Variants in ADGRB2 observed in about 807,000 individuals in gnomAD.
The protein encoded by ADGRB2 is adhesion G protein-coupled receptor B2.
In ADGRB2, 47 loss-of-function variants were observed where a neutral mutation model predicts 178.7. The observed-to-expected ratio is 0.26, with a 90% confidence interval of 0.21 to 0.34. The LOEUF is 0.34. Ranked by LOEUF, ADGRB2 falls within the 10% of genes least tolerant of loss-of-function variation. The pLI, the probability that ADGRB2 is intolerant of heterozygous loss-of-function variation, is 1.00. For missense variants in ADGRB2, 1,584 were observed against 2,180.8 expected (o/e 0.73, Z 5.45); for synonymous variants, 870 against 912.4 (o/e 0.95, Z 0.84).
chr1:31,751,312 T>C (rs773317258), intron 4 of ADGRB2, among the ~76,000 whole-genome samples: 2 of 152,256 alleles, frequency 1.3e-5, no homozygotes, highest in Non-Finnish European at 2.9e-5. Flanking sequence ...CACTGGATCC[T>C]GGACTGAGGA....
In ADGRB2 at chr1:31,733,110, G is replaced by C; in HGVS notation, c.3486C>G (p.Pro1162=). The part of the protein sequence containing the change: ...ASLWSSCVVL[P]LLALTWMSAV... ...CAGACATCCAGGTGAGCGCCAGCAG[G>C]GGCAGCACCACGCAGGAGCTCCAGA... The change falls in exon 26 of 33, where the codon CCC becomes CCG. Residue 1162 remains proline, a synonymous_variant. Transcript: ENST00000373658. The surrounding 1 kb of genome is among the most constrained non-coding windows in gnomAD (Gnocchi z 4.3). 1 of 1,587,456 alleles carries C rather than the reference G, an allele frequency of 6.3e-7. No individual in the cohort carries two copies. Among genetic ancestry groups the C allele is most frequent in the Non-Finnish European group, 8.6e-7 (1 of 1,166,826 alleles).
chr1:31,732,325 C>CT (rs1645331205), intron 27 of ADGRB2, among the ~76,000 whole-genome samples, 171 bp from the exon 28 acceptor site: 1 of 152,276 alleles, frequency 6.6e-6, no homozygotes, highest in South Asian at 2.1e-4. Flanking sequence ...CCCAGCCCAC[C>CT]TGATGGCTAG....
In ADGRB2 at chr1:31,756,038, C is replaced by G; in HGVS notation, c.799G>C (p.Gly267Arg). 6.2e-7 allele frequency: 1 copy of G among 1,613,910 alleles called. No homozygotes were observed. The highest frequency in any genetic ancestry group is 8.5e-7 in the Non-Finnish European group (1 of 1,179,930). Residue 267 changes from glycine (G) to arginine (R), a missense_variant, in exon 4 of 33, where the codon GGG becomes CGG. Around this residue, in one of 3 missense-constraint regions of ADGRB2, gnomAD observed 657 missense variants for 847.6 expected, o/e 0.78. Coordinates refer to ENST00000373658, the MANE Select transcript of ADGRB2 (RefSeq NM_001364857.2). This position sits in a 1 kb window ranked among gnomAD's most constrained non-coding sequence, Gnocchi z 8.5. ...GTTGTGAACAGATCATTGCTGCTCC[C>G]CGAGTGCAAATCGGCCTCAGCAGGT... The part of the protein sequence containing the change: ...APPAEADLHS[G>R]SSNDLFTTEM...
chr1:31,753,014 G>A lies in ADGRB2; in HGVS notation c.838+2985C>T, dbSNP rs920711698. Among the ~76,000 whole-genome samples, 5 of 152,322 alleles carry A rather than the reference G, an allele frequency of 3.3e-5. No individual in the cohort carries two copies. Among genetic ancestry groups the A allele is most frequent in the South Asian group, 2.1e-4 (1 of 4,824 alleles). Reference sequence around the variant, plus strand: ...AGGGATTGTGGCCAAGGAGAGAGGCGTGCATGAGGCGGGGTTCTTTCTCCC... The same window carrying A: ...AGGGATTGTGGCCAAGGAGAGAGGCATGCATGAGGCGGGGTTCTTTCTCCC... On this transcript the variant is annotated intron_variant, in intron 4 of 32. Transcript: ENST00000373658. The surrounding 1 kb of genome is among the most constrained non-coding windows in gnomAD (Gnocchi z 4.1).
intron 18 of ADGRB2, 152 bp from the exon 19 acceptor site, chr1:31,737,907 G>A (rs1375003842): frequency 1.3e-5 from 10 of 792,698 alleles, no homozygotes; most frequent in South Asian, 3.5e-5. Flanking sequence ...GAACAGACCC[G>A]GGTATCTATG....
chr1:31,745,616 A>G (rs1646233545), intron 4 of ADGRB2, among the ~76,000 whole-genome samples: 2 of 152,326 alleles, frequency 1.3e-5, no homozygotes, highest in South Asian at 4.1e-4. Flanking sequence ...CAGAAGGGAA[A>G]GGCCCAGCAG....
rs1193840737 is a variant in ADGRB2, at chr1:31,740,245, GC to G, written c.1990-68del. On this transcript the variant is annotated intron_variant, in intron 12 of 32. Coordinates refer to ENST00000373658, the MANE Select transcript of ADGRB2 (RefSeq NM_001364857.2). The surrounding 1 kb of genome is among the most constrained non-coding windows in gnomAD (Gnocchi z 5.9). ...GGAACAGGGGGCTTCCCCCACTATA[GC>G]CACACTTGCCGCCTCTACAGCAGAC... 1.2e-5 allele frequency: 20 copies of G among 1,608,708 alleles called. No individual in the cohort carries two copies. The highest frequency in any genetic ancestry group is 1.6e-5 in the Non-Finnish European group (19 of 1,176,974).
At position 31,754,847 on chromosome 1, in the gene ADGRB2, G is replaced by A. The variant is rs1646755333; in HGVS notation, c.838+1152C>T. Among the ~76,000 whole-genome samples, 1 of 152,238 alleles carries A rather than the reference G, an allele frequency of 6.6e-6. No homozygotes were observed. Among genetic ancestry groups the A allele is most frequent in the Non-Finnish European group, 1.5e-5 (1 of 68,040 alleles). ...CAACTCAAGGTAACAGTCAAAGGTAGAGGCCAACTCCAGGGCTCTAGCCAG... is the reference window on the plus strand; with the variant it reads ...CAACTCAAGGTAACAGTCAAAGGTAAAGGCCAACTCCAGGGCTCTAGCCAG... On this transcript the variant is annotated intron_variant, in intron 4 of 32. Coordinates refer to ENST00000373658, the MANE Select transcript of ADGRB2 (RefSeq NM_001364857.2). The surrounding 1 kb of genome is among the most constrained non-coding windows in gnomAD (Gnocchi z 5.7).
rs1163309822 is a variant in ADGRB2 at position 31,755,193 on chromosome 1, G to T, written c.838+806C>A. Among the ~76,000 whole-genome samples the T allele has an allele frequency of 6.6e-6, 1 of 152,188 alleles. No individual in the cohort carries two copies. Among genetic ancestry groups the T allele is most frequent in the Non-Finnish European group, 1.5e-5 (1 of 68,034 alleles). On this transcript the variant is annotated intron_variant, in intron 4 of 32. Transcript: ENST00000373658. The surrounding 1 kb of genome is among the most constrained non-coding windows in gnomAD (Gnocchi z 5.1). ...GTCCCCGGCCCAGCACTGTTCAGCGGGCACACAGGATCCAGCTGAGGCCCT... is the reference window on the plus strand; with the variant it reads ...GTCCCCGGCCCAGCACTGTTCAGCGTGCACACAGGATCCAGCTGAGGCCCT...
At position 31,740,886 on chromosome 1, in the gene ADGRB2, G is replaced by GGC. The variant is rs199971730; in HGVS notation, c.1795-347_1795-346dup. On this transcript the variant is annotated intron_variant, in intron 11 of 32. Coordinates refer to ENST00000373658, the MANE Select transcript of ADGRB2 (RefSeq NM_001364857.2). The surrounding 1 kb of genome is among the most constrained non-coding windows in gnomAD (Gnocchi z 5.9). ...CTGGAGTGTAATGAGCATGTGTGTG[G>GGC]GCGCGCGCGCACACACACACACACA... Among the ~76,000 whole-genome samples the GGC allele has an allele frequency of 0.044, 4,574 of 104,688 alleles. 127 individuals carry two copies. The highest frequency in any genetic ancestry group is 0.092 in the African/African-American group (2,693 of 29,148). The allele number at this position is 104,688 out of a possible 152,430, so 68.7% of individuals were successfully genotyped here. A position where few individuals can be genotyped will look rare whatever the true frequency, so the allele number is the denominator to read the frequency against.
chr1:31,759,227 ACACT>A lies in ADGRB2; in HGVS notation c.-190-1720_-190-1717del, dbSNP rs1646967231. On this transcript the variant is annotated intron_variant, in intron 1 of 32. Coordinates refer to ENST00000373658, the MANE Select transcript of ADGRB2 (RefSeq NM_001364857.2). The surrounding 1 kb of genome is among the most constrained non-coding windows in gnomAD (Gnocchi z 4.3). ...AACCCACAGATTCATGCTGTCACACACACTCAGGAGTTAACACGCACACACAGGG... is the reference window on the plus strand; with the variant it reads ...AACCCACAGATTCATGCTGTCACACACAGGAGTTAACACGCACACACAGGG... 3 of 762,854 alleles carry A rather than the reference ACACT, an allele frequency of 3.9e-6. No individual in the cohort carries two copies. Among genetic ancestry groups the A allele is most frequent in the South Asian group, 2.7e-5 (2 of 73,154 alleles). 47.3% of individuals were successfully genotyped at this position (762,854 alleles called of 1,614,324 possible). A position where few individuals can be genotyped will look rare whatever the true frequency, so the allele number is the denominator to read the frequency against.
chr1:31,757,384 G>C lies in ADGRB2; in HGVS notation c.-63C>G. 4.3e-6 allele frequency: 4 copies of C among 930,504 alleles called. No individual in the cohort carries two copies. Among genetic ancestry groups the C allele is most frequent in the Non-Finnish European group, 6.8e-6 (4 of 588,656 alleles). 57.6% of individuals were successfully genotyped at this position (930,504 alleles called of 1,614,324 possible). ...GGAACAATGTCATTCTCACTCACTT[G>C]CTTTACTGAGAGGGAGAGAAAGGGG... On this transcript the variant is annotated splice_region_variant and 5_prime_UTR_variant, in exon 2 of 33. Coordinates refer to ENST00000373658, the MANE Select transcript of ADGRB2 (RefSeq NM_001364857.2).
At position 31,727,881 on chromosome 1, in the gene ADGRB2, C is replaced by T. The variant is rs1645066848; in HGVS notation, c.4572+144G>A. The T allele has an allele frequency of 8.6e-7, 1 of 1,167,810 alleles. No individual in the cohort carries two copies. Among genetic ancestry groups the T allele is most frequent in the Non-Finnish European group, 1.2e-6 (1 of 853,034 alleles). 72.3% of individuals were successfully genotyped at this position (1,167,810 alleles called of 1,614,324 possible). A position where few individuals can be genotyped will look rare whatever the true frequency, so the allele number is the denominator to read the frequency against. ...TTCGCCATCTGCAGCACCTTCCCCA[C>T]CCCCAGGCGGCCCCAGACTGTTGCC... On this transcript the variant is annotated intron_variant, in intron 32 of 32. Coordinates refer to ENST00000373658, the MANE Select transcript of ADGRB2 (RefSeq NM_001364857.2). The surrounding 1 kb of genome is among the most constrained non-coding windows in gnomAD (Gnocchi z 4.4).
At position 31,756,327 on chromosome 1, in the gene ADGRB2, C is replaced by G. The variant is rs745764525; in HGVS notation, c.510G>C (p.Pro170=). 1 of 1,612,806 alleles carries G rather than the reference C, an allele frequency of 6.2e-7. No homozygotes were observed. Among genetic ancestry groups the G allele is most frequent in the Non-Finnish European group, 8.5e-7 (1 of 1,179,958 alleles). The change falls in exon 4 of 33, where the codon CCG becomes CCC. Residue 170 remains proline, a synonymous_variant. Transcript: ENST00000373658. The surrounding 1 kb of genome is among the most constrained non-coding windows in gnomAD (Gnocchi z 8.5). ...CTAGGGCAGCGGGCGCCAGCAGGCG[C>G]GGGGCCTCGGAGGGCTCAGCCGACA... ...LCLSAEPSEA[P]RLLAPAALAF...
rs1253798398 is a variant in ADGRB2 at position 31,753,726 on chromosome 1, C to T, written c.838+2273G>A. The stretch of plus-strand genomic sequence containing the variant: ...AGGTGGTGCTGCCACAAGGCACAGA[C>T]GGTGCCACGGACCCTCAGACATGCC... On this transcript the variant is annotated intron_variant, in intron 4 of 32. Coordinates refer to ENST00000373658, the MANE Select transcript of ADGRB2 (RefSeq NM_001364857.2). This position sits in a 1 kb window ranked among gnomAD's most constrained non-coding sequence, Gnocchi z 4.1. Among the ~76,000 whole-genome samples the T allele has an allele frequency of 1.3e-5, 2 of 152,240 alleles. No homozygotes were observed. The highest frequency in any genetic ancestry group is 2.4e-5 in the African/African-American group (1 of 41,452).
In ADGRB2 at chr1:31,736,368, G is replaced by A. The variant is rs753970609; in HGVS notation, c.3153C>T (p.Ala1051=). 28 of 1,613,900 alleles carry A rather than the reference G, an allele frequency of 1.7e-5. No individual in the cohort carries two copies. The highest frequency in any genetic ancestry group is 2.2e-5 in the Non-Finnish European group (26 of 1,180,004). ...TCGTTCGGGTAAAGCCAACAGACAC[G>A]GCCACCACCAGGGCAGGCAGACCTG... ...LGWGLPALVV[A]VSVGFTRTKG... The change falls in exon 22 of 33, where the codon GCC becomes GCT. Residue 1051 remains alanine, a synonymous_variant. Transcript: ENST00000373658.
chr1:31,737,633 AG>A lies in ADGRB2; in HGVS notation c.2876+18del. 1 of 1,613,236 alleles carries A rather than the reference AG, an allele frequency of 6.2e-7. No homozygotes were observed. Among genetic ancestry groups the A allele is most frequent in the Non-Finnish European group, 8.5e-7 (1 of 1,179,430 alleles). On this transcript the variant is annotated intron_variant, in intron 19 of 32. Transcript: ENST00000373658. ...CTGCCCCCCCTCCCCCAGCCACAAGAGCCAGGTGTCAGACCTACCTCCAAAA... is the reference window on the plus strand; with the variant it reads ...CTGCCCCCCCTCCCCCAGCCACAAGACCAGGTGTCAGACCTACCTCCAAAA...
In ADGRB2 at chr1:31,741,456, G is replaced by A; in HGVS notation, c.1711C>T (p.Leu571Phe). Residue 571 changes from leucine to phenylalanine, a missense_variant, in exon 11 of 33, where the codon CTC becomes TTC. Leu to Phe is a conservative substitution (Grantham distance 22). Transcript: ENST00000373658. This position sits in a 1 kb window ranked among gnomAD's most constrained non-coding sequence, Gnocchi z 6.5. Reference protein sequence around the residue: ...ASGSASRRCLLSAQGVAYWGL... With the variant: ...ASGSASRRCLFSAQGVAYWGL... ...CAGTACGCCACGCCTTGGGCACTGA[G>A]GAGACAGCGGCGGCTGGCAGACCCT... The A allele has an allele frequency of 6.3e-7, 1 of 1,599,620 alleles. No individual in the cohort carries two copies. The highest frequency in any genetic ancestry group is 1.1e-5 in the South Asian group (1 of 88,922).
intron 28 of ADGRB2, 73 bp from the exon 29 acceptor site, chr1:31,731,492 G>C: frequency 6.7e-7 from 1 of 1,503,746 alleles, no homozygotes; most frequent in Non-Finnish European, 8.9e-7. Flanking sequence ...GCCCAGGCTG[G>C]GGAGGTACCA....
Sources: gnomAD v4.1 joint callset for allele counts (sites outside exome capture counted in the v4.1 genomes callset) on GRCh38, gnomAD v4.1.1 for gene constraint, gnomAD v4.1.1 regional missense constraint, Gnocchi (gnomAD v3.1) non-coding constraint, MANE v1.5 for transcripts, NCBI Gene and HGNC (gene_info 2026-07-23, HGNC 2026-07-21) for gene names.